The following KSR2 variants were observed in gnomAD, a reference collection of about 807,000 sequenced individuals.
The protein encoded by KSR2 is kinase suppressor of ras 2.
In KSR2, 25 loss-of-function variants were observed where a neutral mutation model predicts 107.8. The observed-to-expected ratio is 0.23, with a 90% CI of 0.17 to 0.32. KSR2 has a LOEUF of 0.32. Among genes scored for constraint, KSR2 ranks in the 10% least tolerant of loss-of-function variants. KSR2 has a pLI of 1.00. For missense variants in KSR2, 887 were observed against 1,268.9 expected (o/e 0.70, Z 4.57); for synonymous variants, 480 against 507.0 (o/e 0.95, Z 0.71).
chr12:117,508,875 T>C (rs563852667), intron 14 of KSR2, among the ~76,000 whole-genome samples: 3 of 147,352 alleles, frequency 2.0e-5, no homozygotes, highest in Non-Finnish European at 3.0e-5. Flanking sequence ...GGTAGATGGA[T>C]AGATGGGTGG....
intron 1 of KSR2, among the ~76,000 whole-genome samples, chr12:117,868,644 G>A (rs1370486040): frequency 6.6e-6 from 1 of 152,014 alleles, no homozygotes; most frequent in Non-Finnish European, 1.5e-5. Context: ...GCTAGTAAGT[G>A]CAGAGCCGAG....
intron 14 of KSR2, among the ~76,000 whole-genome samples, chr12:117,500,788 C>G (rs1873331950): frequency 6.6e-6 from 1 of 152,230 alleles, no homozygotes; most frequent in Non-Finnish European, 1.5e-5. Context: ...ATGACTTGCC[C>G]AGTAATCCTC....
At chr12:117,555,630 G>T (rs1044004677) in intron 8 of KSR2, among the ~76,000 whole-genome samples, 1 of 152,204 alleles carries the variant, frequency 6.6e-6, no homozygotes, top group Admixed American at 6.5e-5. Context: ...GTGATGAGCG[G>T]ACAAGCTCAT....
intron 5 of KSR2, among the ~76,000 whole-genome samples, chr12:117,657,924 T>C (rs1301281803): frequency 6.6e-6 from 1 of 152,214 alleles, no homozygotes; most frequent in Admixed American, 6.5e-5. Flanking sequence ...AGTACACATA[T>C]ACCTGCACAT....
At chr12:117,824,452 T>C (rs1363857256) in intron 3 of KSR2, among the ~76,000 whole-genome samples, 3 of 152,106 alleles carry the variant, frequency 2.0e-5, no homozygotes, top group South Asian at 2.1e-4. Flanking sequence ...ATATTTAAGG[T>C]GATGGATATT....
intron 4 of KSR2, chr12:117,677,277 T>G (rs1885173009): frequency 1.3e-5 from 2 of 152,194 alleles, no homozygotes; most frequent in African/African-American, 4.8e-5. Flanking sequence ...AGAATGTGGC[T>G]GTATTTAGAG....
chr12:117,505,178 T>C (rs1466022931), intron 14 of KSR2, among the ~76,000 whole-genome samples: 1 of 152,202 alleles, frequency 6.6e-6, no homozygotes, highest in Non-Finnish European at 1.5e-5. Context: ...GTTGGTTCCG[T>C]GTCTTGGCAA....
At chr12:117,964,421 G>T (rs1312164339) in intron 1 of KSR2, among the ~76,000 whole-genome samples, 1 of 152,172 alleles carries the variant, frequency 6.6e-6, no homozygotes, top group African/African-American at 2.4e-5. Flanking sequence ...AACACTTATT[G>T]ACTACCAGCA....
intron 1 of KSR2, among the ~76,000 whole-genome samples, chr12:117,923,220 A>G (rs189003028): frequency 9.9e-5 from 15 of 152,188 alleles, no homozygotes; most frequent in South Asian, 2.1e-4. Flanking sequence ...TCTATCATCT[A>G]TCTATCTATC....
chr12:117,806,210 C>T (rs755266517), intron 3 of KSR2, among the ~76,000 whole-genome samples: 1 of 152,172 alleles, frequency 6.6e-6, no homozygotes, highest in Non-Finnish European at 1.5e-5. Context: ...TCCGGAGGCA[C>T]TTGCCCTGGC....
At chr12:117,543,442 T>C (rs939469941) in intron 9 of KSR2, among the ~76,000 whole-genome samples, 53 of 152,238 alleles carry the variant, frequency 3.5e-4, no homozygotes, top group African/African-American at 1.2e-3. Context: ...ACTGTATCTA[T>C]ATAAGAAGTC....
At chr12:117,884,846 T>A (rs1473376676) in intron 1 of KSR2, among the ~76,000 whole-genome samples, 1 of 152,132 alleles carries the variant, frequency 6.6e-6, no homozygotes, top group African/African-American at 2.4e-5. Flanking sequence ...GTTTCCTTCT[T>A]CTCTACCATC....
rs749516582 is a variant in KSR2 at position 117,453,674 on chromosome 12, G to A, written c.*13525C>T. On this transcript the variant is annotated 3_prime_UTR_variant, in exon 20 of 20. Coordinates refer to ENST00000339824, the MANE Select transcript of KSR2 (RefSeq NM_173598.6). ...GAGTAATCAATCAAATTAATCATGCGTTAAGTCTGTCGAGTGGATCCTGGT... is the reference window on the plus strand; with the variant it reads ...GAGTAATCAATCAAATTAATCATGCATTAAGTCTGTCGAGTGGATCCTGGT... 13 of 152,214 alleles carry A rather than the reference G, an allele frequency of 8.5e-5. 1 individual carries two copies. Among genetic ancestry groups the A allele is most frequent in the Admixed American group, 2.6e-4 (4 of 15,300 alleles). 9.4% of individuals were successfully genotyped at this position (152,214 alleles called of 1,614,324 possible). A position where few individuals can be genotyped will look rare whatever the true frequency, so the allele number is the denominator to read the frequency against.
intron 4 of KSR2, among the ~76,000 whole-genome samples, chr12:117,723,084 G>A (rs1216686620): frequency 6.6e-6 from 1 of 152,122 alleles, no homozygotes; most frequent in East Asian, 1.9e-4. Context: ...TCAGTGGCAG[G>A]GGAGGTTATC....
chr12:117,825,400 G>A (rs912130623), intron 3 of KSR2, among the ~76,000 whole-genome samples: 18 of 152,060 alleles, frequency 1.2e-4, no homozygotes, highest in Admixed American at 2.0e-4. Flanking sequence ...TGCATGGGTC[G>A]GGGCATAAAT....
chr12:117,864,734 T>G (rs1257737883), intron 1 of KSR2, among the ~76,000 whole-genome samples: 1 of 152,202 alleles, frequency 6.6e-6, no homozygotes, highest in African/African-American at 2.4e-5. Context: ...ACTTCAATCT[T>G]CACATAGCAT....
intron 5 of KSR2, among the ~76,000 whole-genome samples, chr12:117,650,702 C>T (rs1227765192): frequency 1.3e-5 from 2 of 152,152 alleles, no homozygotes; most frequent in South Asian, 2.1e-4. Context: ...ATACATAATA[C>T]CTTTGACCAT....
At chr12:117,588,396 C>T (rs866031761) in intron 5 of KSR2, among the ~76,000 whole-genome samples, 12 of 152,110 alleles carry the variant, frequency 7.9e-5, no homozygotes, top group Non-Finnish European at 1.6e-4. Context: ...TTATTCTTTG[C>T]GATTTATCTG....
intron 5 of KSR2, among the ~76,000 whole-genome samples, chr12:117,599,888 G>A (rs1880840928): frequency 6.6e-6 from 1 of 152,182 alleles, no homozygotes; most frequent in Non-Finnish European, 1.5e-5. Context: ...AGGAGACGGG[G>A]AACAAGGAAA....
Sources: allele counts gnomAD v4.1 joint callset (sites outside exome capture counted in the v4.1 genomes callset), GRCh38; gene constraint gnomAD v4.1.1; transcripts MANE v1.5; gene names NCBI Gene and HGNC (gene_info 2026-07-23, HGNC 2026-07-21).